The following LARGE2 variants were observed in gnomAD, a reference collection of about 807,000 sequenced individuals.
The protein encoded by LARGE2 is xylosyl- and glucuronyltransferase LARGE2.
A neutral mutation model predicts 75.3 loss-of-function variants in LARGE2; 63 were observed. The observed-to-expected ratio is 0.84, with a 90% CI of 0.68 to 1.03. The LOEUF is 1.03. Ranked by LOEUF, LARGE2 falls within the 50% of genes least tolerant of loss-of-function variation. The probability of loss-of-function intolerance (pLI) is 0.00; values close to 1 mark genes in which losing one functional copy is unlikely to be tolerated. For missense variants in LARGE2, 925 were observed against 980.6 expected (o/e 0.94, Z 0.76); for synonymous variants, 428 against 420.1 (o/e 1.02, Z -0.23).
At position 45,923,674 on chromosome 11, in the gene LARGE2, C is replaced by T. The variant is rs114270357; in HGVS notation, c.368+119C>T. On this transcript the variant is annotated intron_variant, in intron 3 of 13. Coordinates refer to ENST00000401752, the MANE Select transcript of LARGE2 (RefSeq NM_001300721.2). ...GTGACGCGGGGACAGTGTCCCCTTC[C>T]TCCCTTAGAAGGGCAGTTGTAAGAA... 6.8e-4 allele frequency: 608 copies of T among 897,370 alleles called. 5 individuals carry two copies. In the African/African-American group the frequency reaches 8.9e-3, roughly 13 times the overall value. The allele number at this position is 897,370 out of a possible 1,614,324, so 55.6% of individuals were successfully genotyped here.
chr11:45,926,800 T>G lies in LARGE2; in HGVS notation c.1254T>G (p.Thr418=), dbSNP rs779831215. Residue 418 remains threonine, a synonymous_variant, in exon 10 of 14, where the codon ACT becomes ACG. Transcript: ENST00000401752. ...QQLTVHRVHV[T]FLPHEPPPPR... is the part of the protein sequence containing the mutation. ...TCACTGTGCACCGTGTGCATGTCAC[T>G]TTCCTGCCCCATGAACCGCCACCCC... 3 of 1,613,582 alleles carry G rather than the reference T, an allele frequency of 1.9e-6. No homozygotes were observed.
chr11:45,925,906 A>C, intron 6 of LARGE2, 133 bp from the exon 7 acceptor site: 1 of 759,092 alleles, frequency 1.3e-6, no homozygotes. Flanking sequence ...ACAACAAAAA[A>C]CAAGTAGTCC....
Position 45,927,955 on chromosome 11 carries a change from G to A in LARGE2, c.1640G>A (p.Arg547His), listed in dbSNP as rs376363629. The change falls in exon 12 of 14, where the codon CGC (arginine) becomes CAC (histidine). Residue 547 changes from arginine (R) to histidine (H), a missense_variant. Coordinates refer to ENST00000401752, the MANE Select transcript of LARGE2 (RefSeq NM_001300721.2). Reference sequence around the variant, plus strand: ...GAGCAGCTGGGGCTGGGCAGCCGGCGCAAGGCAGCACTGGTGGTGCCGGCA... The same window carrying A: ...GAGCAGCTGGGGCTGGGCAGCCGGCACAAGGCAGCACTGGTGGTGCCGGCA... ...SIEQLGLGSR[R>H]KAALVVPAFE... is the part of the protein sequence containing the mutation. 36 of 1,613,528 alleles carry A rather than the reference G, an allele frequency of 2.2e-5. No homozygotes were observed. Among genetic ancestry groups the A allele is most frequent in the Admixed American group, 3.3e-5 (2 of 59,988 alleles).
rs1232762317 is a variant in LARGE2, at chr11:45,923,161, G to A, written c.279G>A (p.Lys93=). Residue 93 remains lysine, a synonymous_variant, in exon 2 of 14, where the codon AAG becomes AAA. Transcript: ENST00000401752. The stretch of plus-strand genomic sequence containing the variant: ...GCCCGCAGCCGCCGCCGCCGCCCAA[G>A]TGCGAGGTAGGTGCGCGCGGCCCTG... The part of the protein sequence containing the change: ...DCGPQPPPPP[K]CELLHVAIVC... 1.5e-6 allele frequency: 2 copies of A among 1,340,880 alleles called. No homozygotes were observed. Among genetic ancestry groups the A allele is most frequent in the Non-Finnish European group, 1.9e-6 (2 of 1,055,214 alleles). 83.1% of individuals were successfully genotyped at this position (1,340,880 alleles called of 1,614,324 possible).
intron 5 of LARGE2, 52 bp downstream of exon 5, chr11:45,924,729 C>T: frequency 6.4e-7 from 1 of 1,553,548 alleles, no homozygotes; most frequent in Non-Finnish European, 8.7e-7. Flanking sequence ...GCATCCAGCC[C>T]TGAGCCCAGG....
At position 45,926,604 on chromosome 11, in the gene LARGE2, A is replaced by G. The variant is rs1171278146; in HGVS notation, c.1164+7A>G. 12 of 1,613,952 alleles carry G rather than the reference A, an allele frequency of 7.4e-6. No individual in the cohort carries two copies. Among genetic ancestry groups the G allele is most frequent in the Non-Finnish European group, 1.0e-5 (12 of 1,179,958 alleles). ...CCCACCTGGTGCTGAGCAGGTGAGA[A>G]GGAGTCACCTTCCCCTGCCCCTCTC... On this transcript the variant is annotated splice_region_variant and intron_variant, in intron 9 of 13. Coordinates refer to ENST00000401752, the MANE Select transcript of LARGE2 (RefSeq NM_001300721.2).
upstream of LARGE2, among the ~76,000 whole-genome samples, chr11:45,922,386 C>T (rs1200962083): frequency 6.6e-6 from 1 of 152,126 alleles, no homozygotes; most frequent in African/African-American, 2.4e-5. Flanking sequence ...GGAGGAGACG[C>T]GGCCCCAGAG....
rs1330903449 is a variant in LARGE2, at chr11:45,928,441, C to T, written c.1950+69C>T. 10 of 1,562,042 alleles carry T rather than the reference C, an allele frequency of 6.4e-6. No homozygotes were observed. In the East Asian group the frequency reaches 1.6e-4, roughly 25 times the overall value. ...TCCAGGTCCAGGGAACTCACGACACCTGCATGGGGGACCACACCACTAGGC... is the reference window on the plus strand; with the variant it reads ...TCCAGGTCCAGGGAACTCACGACACTTGCATGGGGGACCACACCACTAGGC... On this transcript the variant is annotated intron_variant, in intron 13 of 13. Transcript: ENST00000401752.
chr11:45,923,847 G>C (rs1323870361), intron 3 of LARGE2, among the ~76,000 whole-genome samples: 1 of 150,770 alleles, frequency 6.6e-6, no homozygotes, highest in Admixed American at 6.6e-5. Flanking sequence ...TTAGCCGGGC[G>C]TAGTGGCGGG....
chr11:45,923,167 G>C lies in LARGE2; in HGVS notation c.285G>C (p.Glu95Asp). The part of the protein sequence containing the change: ...GPQPPPPPKC[E>D]LLHVAIVCAG... The stretch of plus-strand genomic sequence containing the variant: ...AGCCGCCGCCGCCGCCCAAGTGCGA[G>C]GTAGGTGCGCGCGGCCCTGGCGGCG... The change falls in exon 2 of 14, where the codon GAG (glutamate) becomes GAC (aspartate). Residue 95 changes from glutamate (E) to aspartate (D), a missense_variant and splice_region_variant. Transcript: ENST00000401752. 2 of 1,335,522 alleles carry C rather than the reference G, an allele frequency of 1.5e-6. No homozygotes were observed. The highest frequency in any genetic ancestry group is 2.8e-4 in the Middle Eastern group (1 of 3,568). 82.7% of individuals were successfully genotyped at this position (1,335,522 alleles called of 1,614,324 possible). A position where few individuals can be genotyped will look rare whatever the true frequency, so the allele number is the denominator to read the frequency against.
chr11:45,924,141 G>A lies in LARGE2; in HGVS notation c.369-13G>A. ...CTGGGGCCTCTCAGGCTTCCTCTTT[G>A]CCCACCCAAAAGGAAAAATCCACTG... is the stretch of plus-strand genomic sequence containing the variant. On this transcript the variant is annotated splice_polypyrimidine_tract_variant and intron_variant, in intron 3 of 13. Transcript: ENST00000401752. 6.2e-7 allele frequency: 1 copy of A among 1,607,702 alleles called. No homozygotes were observed.
Position 45,928,815 on chromosome 11 carries a change from G to A in LARGE2, c.2136G>A (p.Leu712=). The A allele has an allele frequency of 6.2e-7, 1 of 1,613,404 alleles. No individual in the cohort carries two copies. The highest frequency in any genetic ancestry group is 8.5e-7 in the Non-Finnish European group (1 of 1,179,952). The change falls in exon 14 of 14, where the codon CTG becomes CTA. Residue 712 remains leucine, a synonymous_variant. Transcript: ENST00000401752. The stretch of plus-strand genomic sequence containing the variant: ...CTGCCCTCAAATACCTCCCAGCCCT[G>A]CAGCAGCCCCAGAGCCCTGCCCGAG... ...GAAALKYLPA[L]QQPQSPARG is the part of the protein sequence containing the mutation.
At chr11:45,922,582 G>T (rs938612700), upstream of LARGE2, 1 of 229,878 alleles carries the variant, frequency 4.4e-6, no homozygotes, top group Non-Finnish European at 8.4e-6. Flanking sequence ...ACCCCGGGGG[G>T]GTCACCCCGC....
intron 2 of LARGE2, 57 bp downstream of exon 2, chr11:45,923,224 C>T: frequency 5.3e-6 from 7 of 1,311,246 alleles, no homozygotes; most frequent in Non-Finnish European, 6.8e-6. Context: ...CCGAGCCCGG[C>T]CTCTTGGACA....
rs2087149859 is a variant in LARGE2, at chr11:45,926,444, G to C, written c.1011G>C (p.Val337=). 2 of 1,614,050 alleles carry C rather than the reference G, an allele frequency of 1.2e-6. No homozygotes were observed. Among genetic ancestry groups the C allele is most frequent in the Non-Finnish European group, 1.7e-6 (2 of 1,180,022 alleles). The part of the protein sequence containing the change: ...RCYSEASDLK[V]IHWNSPKKLR... Reference sequence around the variant, plus strand: ...CCCAACACCCTCCTGGGTCCCAGGTGATCCACTGGAACTCACCAAAGAAGC... The same window carrying C: ...CCCAACACCCTCCTGGGTCCCAGGTCATCCACTGGAACTCACCAAAGAAGC... Residue 337 remains valine, a splice_region_variant and synonymous_variant, in exon 9 of 14, where the codon GTG becomes GTC. Transcript: ENST00000401752.
intron 13 of LARGE2, 63 bp downstream of exon 13, chr11:45,928,435 C>G: frequency 6.4e-7 from 1 of 1,571,648 alleles, no homozygotes; most frequent in East Asian, 2.2e-5. Flanking sequence ...AGGGAACTCA[C>G]GACACCTGCA....
chr11:45,926,668 G>A, intron 9 of LARGE2, 43 bp from the exon 10 acceptor site: 2 of 1,612,174 alleles, frequency 1.2e-6, no homozygotes, highest in Non-Finnish European at 1.7e-6. Flanking sequence ...GGGATGTGTT[G>A]TTCTGCCCTA....
rs1389330427 is a variant in LARGE2 at position 45,926,166 on chromosome 11, T to G, written c.882+15T>G. Reference sequence around the variant, plus strand: ...TGGCTGACCAGGTCTGAGGAAGCCTTGCCGGGTGGGGTGTGGCAGGCTGGG... The same window carrying G: ...TGGCTGACCAGGTCTGAGGAAGCCTGGCCGGGTGGGGTGTGGCAGGCTGGG... On this transcript the variant is annotated intron_variant, in intron 7 of 13. Coordinates refer to ENST00000401752, the MANE Select transcript of LARGE2 (RefSeq NM_001300721.2). The G allele has an allele frequency of 1.2e-6, 2 of 1,603,158 alleles. No homozygotes were observed. Among genetic ancestry groups the G allele is most frequent in the Non-Finnish European group, 1.7e-6 (2 of 1,174,778 alleles).
rs1002854210 is a variant in LARGE2, at chr11:45,924,731, G to A, written c.664+54G>A. On this transcript the variant is annotated intron_variant, in intron 5 of 13. Transcript: ENST00000401752. ...GCCCAGGATCCCTGCATCCAGCCCTGAGCCCAGGTCCTGTGGCAGCTTCAG... is the reference window on the plus strand; with the variant it reads ...GCCCAGGATCCCTGCATCCAGCCCTAAGCCCAGGTCCTGTGGCAGCTTCAG... 7 of 1,551,166 alleles carry A rather than the reference G, an allele frequency of 4.5e-6. No individual in the cohort carries two copies. In the African/African-American group the frequency reaches 6.8e-5, roughly 15 times the overall value.
Sources: allele counts gnomAD v4.1 joint callset (sites outside exome capture counted in the v4.1 genomes callset), GRCh38; gene constraint gnomAD v4.1.1; transcripts MANE v1.5; gene names NCBI Gene and HGNC (gene_info 2026-07-23, HGNC 2026-07-21).